The following P4HA1 variants were observed in gnomAD, a reference collection of about 807,000 sequenced individuals.
P4HA1 encodes prolyl 4-hydroxylase subunit alpha-1.
Under a neutral mutation model 72.8 loss-of-function variants are expected in P4HA1, and 24 were observed. The ratio of observed to expected loss-of-function variants is 0.33; its 90% CI spans 0.24 to 0.46. The LOEUF is 0.46. P4HA1 is among the 20% of genes least tolerant of loss of function. The pLI is 1.00. For synonymous variants in P4HA1, 201 were observed against 218.8 expected, an observed-to-expected ratio of 0.92 and a Z score of 0.72; for missense variants, 446 against 640.6, an observed-to-expected ratio of 0.70 and a Z score of 3.28.
intron 10 of P4HA1, among the ~76,000 whole-genome samples, chr10:73,028,403 T>C (rs997504640): frequency 2.6e-5 from 4 of 151,868 alleles, no homozygotes; most frequent in African/African-American, 9.7e-5. Context: ...TAAGAATACA[T>C]TTTGGTCTTC....
Position 73,047,880 on chromosome 10 carries a change from G to A in P4HA1, c.901-779C>T, listed in dbSNP as rs532006771. ...AGCCTAGGTCACACAGCGAAATCTC[G>A]TCTCTACAAAAAATTTAAAAAATTA... On this transcript the variant is annotated intron_variant, in intron 7 of 14. Coordinates refer to ENST00000394890, the MANE Select transcript of P4HA1 (RefSeq NM_001017962.3). Among the ~76,000 whole-genome samples the A allele has an allele frequency of 1.7e-4, 26 of 152,070 alleles. No individual in the cohort carries two copies. In the South Asian group the frequency reaches 4.8e-3, roughly 28 times the overall value.
intron 13 of P4HA1, 117 bp downstream of exon 13, chr10:73,010,852 G>C: frequency 2.8e-6 from 2 of 713,704 alleles, no homozygotes; most frequent in South Asian, 1.8e-5. Flanking sequence ...AGCGAGAACA[G>C]GTCTCAAAAA....
In P4HA1 at chr10:73,069,556, T is replaced by C. The variant is rs879273567; in HGVS notation, c.326-573A>G. Among the ~76,000 whole-genome samples the C allele has an allele frequency of 2.2e-4, 33 of 152,228 alleles. No homozygotes were observed. In the Middle Eastern group the frequency reaches 0.01, roughly 47 times the overall value. On this transcript the variant is annotated intron_variant, in intron 4 of 14. Transcript: ENST00000394890. ...GTTTACTAAAATATATTTAAATCAG[T>C]TTAATTATCAAACATGACGTTGATC...
At chr10:73,015,687 A>G (rs1839995113) in intron 11 of P4HA1, among the ~76,000 whole-genome samples, 1 of 152,186 alleles carries the variant, frequency 6.6e-6, no homozygotes, top group African/African-American at 2.4e-5. Flanking sequence ...CTCCTCTTAC[A>G]GAGCTGTTAT....
intron 5 of P4HA1, 125 bp from the exon 6 acceptor site, chr10:73,053,715 C>T: frequency 2.8e-6 from 2 of 714,196 alleles, no homozygotes; most frequent in Non-Finnish European, 4.6e-6. Flanking sequence ...TCTGGATGAG[C>T]AAAAATTACC....
intron 5 of P4HA1, among the ~76,000 whole-genome samples, chr10:73,064,915 A>T (rs1841386319): frequency 6.6e-6 from 1 of 152,180 alleles, no homozygotes; most frequent in Non-Finnish European, 1.5e-5. Context: ...ACTGAGAGAG[A>T]CACGTAATCC....
At chr10:73,022,763 T>C (rs568333825) in intron 10 of P4HA1, among the ~76,000 whole-genome samples, 12 of 152,294 alleles carry the variant, frequency 7.9e-5, no homozygotes, top group African/African-American at 2.6e-4. Context: ...GTTAGACGAA[T>C]GGCTAACTAG....
rs920360586 is a variant in P4HA1 at position 73,059,424 on chromosome 10, T to TAAAAAA, written c.464-5840_464-5835dup. Among the ~76,000 whole-genome samples the TAAAAAA allele has an allele frequency of 6.6e-4, 16 of 24,178 alleles. 4 individuals carry two copies. Among genetic ancestry groups the TAAAAAA allele is most frequent in the Non-Finnish European group, 1.2e-3 (12 of 9,954 alleles). The allele number at this position is 24,178 out of a possible 152,430, so 15.9% of individuals were successfully genotyped here. On this transcript the variant is annotated intron_variant, in intron 5 of 14. Transcript: ENST00000394890. ...GGGCAAAATAATGAGACAATATATT[T>TAAAAAA]AAAAAAAAAAAAAAAAAAAAAAAAA...
chr10:73,062,372 TA>T (rs1037265052), intron 5 of P4HA1, among the ~76,000 whole-genome samples: 9 of 147,282 alleles, frequency 6.1e-5, no homozygotes, highest in South Asian at 2.2e-4. Context: ...TCTGACACTA[TA>T]AAAAAAAAAT....
At chr10:73,090,339 G>A (rs1408846291) in intron 1 of P4HA1, among the ~76,000 whole-genome samples, 3 of 151,476 alleles carry the variant, frequency 2.0e-5, no homozygotes, top group Admixed American at 2.0e-4. Context: ...TTTCTATGTC[G>A]CCCAGGCTGG....
intron 9 of P4HA1, among the ~76,000 whole-genome samples, chr10:73,035,064 G>T (rs933431903): frequency 6.6e-6 from 1 of 152,062 alleles, no homozygotes; most frequent in Non-Finnish European, 1.5e-5. Flanking sequence ...ATGAACATAG[G>T]TGTGCAAGTA....
intron 1 of P4HA1, among the ~76,000 whole-genome samples, chr10:73,085,275 A>G (rs912306850): frequency 2.0e-4 from 31 of 152,250 alleles, no homozygotes; most frequent in Non-Finnish European, 3.4e-4. Context: ...CCAAAATCTA[A>G]AACTGCTGTG....
chr10:73,017,390 A>G (rs1840035967), intron 10 of P4HA1, among the ~76,000 whole-genome samples: 1 of 152,040 alleles, frequency 6.6e-6, no homozygotes, highest in African/African-American at 2.4e-5. Context: ...ATCAGAGCAC[A>G]CTGCAGCCTC....
intron 1 of P4HA1, among the ~76,000 whole-genome samples, chr10:73,094,587 T>C (rs1357764534): frequency 1.3e-5 from 2 of 152,180 alleles, no homozygotes; most frequent in Non-Finnish European, 2.9e-5. Flanking sequence ...GGTTGCTAAG[T>C]AAAATAAAGC....
At chr10:73,088,255 AAG>A (rs893903192) in intron 1 of P4HA1, among the ~76,000 whole-genome samples, 1 of 152,130 alleles carries the variant, frequency 6.6e-6, no homozygotes, top group African/African-American at 2.4e-5. Flanking sequence ...CTCTAATAAA[AAG>A]ATTTCATTTT....
chr10:73,012,171 A>G (rs2133031312), intron 12 of P4HA1, among the ~76,000 whole-genome samples: 1 of 152,338 alleles, frequency 6.6e-6, no homozygotes, highest in South Asian at 2.1e-4. Flanking sequence ...TACAGCATCA[A>G]TATTCATAAA....
intron 1 of P4HA1, among the ~76,000 whole-genome samples, chr10:73,083,857 C>T (rs1434595528): frequency 6.6e-6 from 1 of 152,088 alleles, no homozygotes; most frequent in South Asian, 2.1e-4. Context: ...ATTAAAAGAA[C>T]TCAAAAAAAT....
intron 1 of P4HA1, among the ~76,000 whole-genome samples, chr10:73,092,737 G>C (rs1020327008): frequency 1.3e-5 from 2 of 151,270 alleles, no homozygotes; most frequent in African/African-American, 4.9e-5. Flanking sequence ...AAAGTTTACT[G>C]TAATTATACA....
intron 11 of P4HA1, among the ~76,000 whole-genome samples, chr10:73,015,333 A>G (rs1839988918): frequency 3.9e-5 from 6 of 152,208 alleles, no homozygotes; most frequent in Admixed American, 3.9e-4. Context: ...AAAACTATCC[A>G]AATGTCCTTC....
Sources: gnomAD v4.1 joint callset for allele counts (sites outside exome capture counted in the v4.1 genomes callset) on GRCh38, gnomAD v4.1.1 for gene constraint, MANE v1.5 for transcripts, NCBI Gene and HGNC (gene_info 2026-07-23, HGNC 2026-07-21) for gene names.